Variants in MEIKIN observed in about 807,000 individuals in gnomAD.
The protein encoded by MEIKIN is meiotic kinetochore factor.
intron 8 of MEIKIN, among the ~76,000 whole-genome samples, chr5:131,903,646 T>A (rs1751195025): frequency 6.6e-6 from 1 of 151,916 alleles, no homozygotes; most frequent in Admixed American, 6.6e-5. Flanking sequence ...GTGCTAAATA[T>A]GGAAAAGAAA....
intron 10 of MEIKIN, among the ~76,000 whole-genome samples, chr5:131,852,242 T>C (rs1561732845): frequency 6.6e-6 from 1 of 152,056 alleles, no homozygotes; most frequent in African/African-American, 2.4e-5. Flanking sequence ...GTTCTGATGA[T>C]AGTGAGTGAG....
At chr5:131,842,015 T>A (rs1406487600) in intron 11 of MEIKIN, among the ~76,000 whole-genome samples, 1 of 152,182 alleles carries the variant, frequency 6.6e-6, no homozygotes. Context: ...TTCTTTTTTT[T>A]TTTGAGACAG....
rs1029527225 is a variant in MEIKIN at position 131,942,693 on chromosome 5, T to G, written c.291A>C (p.Glu97Asp). The change falls in exon 4 of 13, where the codon GAA (glutamate) becomes GAC (aspartate). Residue 97 changes from glutamate to aspartate, a missense_variant and splice_region_variant. By Grantham distance (45) the Glu-to-Asp change is conservative. Coordinates refer to ENST00000442687, the MANE Select transcript of MEIKIN (RefSeq NM_001303622.2). ...CAACCTGGAGGTCATCAGTAACTGA[T>G]TCCTAAGTGAAATAAGAATTAAAGC... ...TQDEKIASLRESVTDDLQVDS... is the reference protein window; with the variant it reads ...TQDEKIASLRDSVTDDLQVDS... 7 of 398,352 alleles carry G rather than the reference T, an allele frequency of 1.8e-5. No homozygotes were observed. The highest frequency in any genetic ancestry group is 3.1e-5 in the Non-Finnish European group (7 of 225,740). 24.7% of individuals were successfully genotyped at this position (398,352 alleles called of 1,614,324 possible). A position where few individuals can be genotyped will look rare whatever the true frequency, so the allele number is the denominator to read the frequency against.
At chr5:131,853,060 C>T (rs1310445458) in intron 10 of MEIKIN, among the ~76,000 whole-genome samples, 2 of 152,226 alleles carry the variant, frequency 1.3e-5, no homozygotes, top group East Asian at 3.9e-4. Flanking sequence ...TTGGTTAAAT[C>T]TGTAACTCCT....
At chr5:131,904,816 A>C (rs1751217511) in intron 8 of MEIKIN, among the ~76,000 whole-genome samples, 1 of 152,226 alleles carries the variant, frequency 6.6e-6, no homozygotes, top group African/African-American at 2.4e-5. Context: ...CAGCCATAAA[A>C]AATGATGAGT....
intron 6 of MEIKIN, among the ~76,000 whole-genome samples, chr5:131,918,581 G>C (rs1298989351): frequency 6.6e-6 from 1 of 152,104 alleles, no homozygotes; most frequent in Non-Finnish European, 1.5e-5. Flanking sequence ...GCTCTAATAG[G>C]TGGGCTGACA....
intron 4 of MEIKIN, among the ~76,000 whole-genome samples, chr5:131,939,185 G>A (rs1751830229): frequency 6.6e-6 from 1 of 152,206 alleles, no homozygotes; most frequent in Non-Finnish European, 1.5e-5. Flanking sequence ...GTGGGAAGAA[G>A]CATAGTTGCC....
chr5:131,903,327 C>T (rs145536249), intron 8 of MEIKIN, among the ~76,000 whole-genome samples: 28 of 152,016 alleles, frequency 1.8e-4, no homozygotes, highest in African/African-American at 6.5e-4. Context: ...CATAAGAAGA[C>T]CAGTCTCAAG....
intron 8 of MEIKIN, among the ~76,000 whole-genome samples, chr5:131,881,589 G>T (rs1750703478): frequency 1.3e-5 from 2 of 152,064 alleles, no homozygotes; most frequent in Non-Finnish European, 2.9e-5. Flanking sequence ...GAGTTCTCCA[G>T]ACTCCTGCAT....
At chr5:131,909,926 C>T (rs577445094) in intron 8 of MEIKIN, among the ~76,000 whole-genome samples, 83 of 152,020 alleles carry the variant, frequency 5.5e-4, no homozygotes, top group African/African-American at 1.8e-3. Flanking sequence ...AATAACATGC[C>T]GGTGAGGATG....
At chr5:131,879,238 T>A (rs1459064410) in intron 8 of MEIKIN, among the ~76,000 whole-genome samples, 190 bp from the exon 9 acceptor site, 1 of 152,156 alleles carries the variant, frequency 6.6e-6, no homozygotes, top group East Asian at 1.9e-4. Flanking sequence ...AACATCCTTA[T>A]CTTAAGAGCT....
chr5:131,838,299 T>C (rs1474599106), intron 11 of MEIKIN, among the ~76,000 whole-genome samples: 1 of 152,220 alleles, frequency 6.6e-6, no homozygotes, highest in African/African-American at 2.4e-5. Context: ...ATCAAGGATA[T>C]TGGTCTGAAG....
intron 11 of MEIKIN, among the ~76,000 whole-genome samples, chr5:131,820,574 T>C (rs1749478160): frequency 1.3e-5 from 2 of 152,232 alleles, no homozygotes; most frequent in African/African-American, 4.8e-5. Context: ...CCTCCATTTT[T>C]CAGAACAGTT....
chr5:131,814,561 G>A (rs1773066789), intron 12 of MEIKIN, among the ~76,000 whole-genome samples: 1 of 151,846 alleles, frequency 6.6e-6, no homozygotes, highest in Admixed American at 6.6e-5. Flanking sequence ...ACAGGCATGA[G>A]CCATCACACC....
intron 8 of MEIKIN, among the ~76,000 whole-genome samples, chr5:131,880,197 C>A (rs1164617210): frequency 5.3e-5 from 8 of 152,038 alleles, no homozygotes; most frequent in Non-Finnish European, 7.4e-5. Flanking sequence ...TCAAGCGATT[C>A]TCCTGTCTCA....
intron 8 of MEIKIN, among the ~76,000 whole-genome samples, chr5:131,896,011 T>C (rs1234224636): frequency 6.6e-6 from 1 of 152,356 alleles, no homozygotes; most frequent in Admixed American, 6.5e-5. Flanking sequence ...CTGCTTTCTC[T>C]TGTGGGCATT....
At chr5:131,848,527 A>G (rs1355991682) in intron 11 of MEIKIN, among the ~76,000 whole-genome samples, 5 of 152,312 alleles carry the variant, frequency 3.3e-5, no homozygotes, top group African/African-American at 9.6e-5. Context: ...AGATTGAATC[A>G]GTAATGAAAA....
intron 4 of MEIKIN, among the ~76,000 whole-genome samples, chr5:131,934,379 A>G (rs1181947199): frequency 6.6e-6 from 1 of 152,174 alleles, no homozygotes; most frequent in African/African-American, 2.4e-5. Context: ...AATATATTAA[A>G]GGAATTTAAT....
chr5:131,814,275 G>C (rs966208078), intron 12 of MEIKIN, among the ~76,000 whole-genome samples: 1 of 105,250 alleles, frequency 9.5e-6, no homozygotes, highest in Non-Finnish European at 1.9e-5. Context: ...GCATTGGACA[G>C]ATCTTTTTTT....
Sources: gnomAD v4.1 joint callset for allele counts (sites outside exome capture counted in the v4.1 genomes callset) on GRCh38, gnomAD v4.1.1 for gene constraint, MANE v1.5 for transcripts, NCBI Gene and HGNC (gene_info 2026-07-23, HGNC 2026-07-21) for gene names.